CUBN: variants seen among roughly 807,000 people sequenced by gnomAD.
CUBN encodes 460 kDa receptor.
A neutral mutation model predicts 405.3 loss-of-function variants in CUBN; 282 were observed. That is an observed-to-expected ratio of 0.70 (90% CI 0.63 to 0.77). The LOEUF (loss-of-function observed/expected upper bound fraction) is 0.77, where lower values mean the gene tolerates loss of function less well. Ranked by LOEUF, CUBN falls within the 30% of genes least tolerant of loss-of-function variation. The pLI is 0.00. For synonymous variants in CUBN, 1,684 were observed against 1,617.0 expected (o/e 1.04, Z -0.99); for missense variants, 4,514 against 4,475.2 (o/e 1.01, Z -0.25).
chr10:17,093,164 A>G (rs1396423529), intron 14 of CUBN, among the ~76,000 whole-genome samples: 2 of 152,164 alleles, frequency 1.3e-5, no homozygotes, highest in African/African-American at 2.4e-5. Flanking sequence ...TTGGAGCTGC[A>G]TACTATAAGG....
chr10:17,038,093 C>A (rs185221195), intron 27 of CUBN, among the ~76,000 whole-genome samples: 2 of 152,112 alleles, frequency 1.3e-5, no homozygotes, highest in Admixed American at 6.5e-5. Context: ...CCTGAGCCAC[C>A]GTGCCCAGCC....
chr10:16,971,193 C>A (rs1687694), intron 31 of CUBN, among the ~76,000 whole-genome samples: 47,115 of 152,092 alleles, frequency 0.31, 8,004 homozygotes, highest in Middle Eastern at 0.42. Context: ...AGCAACAGGA[C>A]CAGGACATTA....
chr10:16,899,033 G>A lies in CUBN; in HGVS notation c.8561C>T (p.Pro2854Leu). 1.2e-6 allele frequency: 2 copies of A among 1,613,516 alleles called. No homozygotes were observed. The highest frequency in any genetic ancestry group is 8.5e-7 in the Non-Finnish European group (1 of 1,179,476). ...EISFDNNFLI[P>L]SGDGQCQNSF... ...ATTCTGACATTGTCCATCACCGCTG[G>A]GGATTAGGAAGTTGTTGTCAAAGCT... is the stretch of plus-strand genomic sequence containing the variant. Residue 2854 changes from proline to leucine, a missense_variant, in exon 54 of 67, where the codon CCC becomes CTC. By Grantham distance (98) the Pro-to-Leu change is moderately conservative (BLOSUM62 -3). Around this residue, in one of 5 missense-constraint regions of CUBN, gnomAD observed 1,186 missense variants for 1,186.9 expected, o/e 1.00. Coordinates refer to ENST00000377833, the MANE Select transcript of CUBN (RefSeq NM_001081.4).
At chr10:16,914,512 T>C (rs1338901369) in intron 47 of CUBN, among the ~76,000 whole-genome samples, 4 of 151,912 alleles carry the variant, frequency 2.6e-5, no homozygotes, top group Non-Finnish European at 4.4e-5. Flanking sequence ...TGAGCTGATA[T>C]CATGCCACTG....
chr10:16,963,553 A>C (rs1843300620), intron 31 of CUBN, among the ~76,000 whole-genome samples: 1 of 152,188 alleles, frequency 6.6e-6, no homozygotes, highest in Non-Finnish European at 1.5e-5. Context: ...CCACTTCTGC[A>C]GGTTTACACT....
chr10:17,032,612 C>A (rs1834809637), intron 27 of CUBN, among the ~76,000 whole-genome samples: 1 of 152,114 alleles, frequency 6.6e-6, no homozygotes, highest in African/African-American at 2.4e-5. Flanking sequence ...CCATTAATGA[C>A]AAATATTACT....
chr10:16,959,779 C>T (rs928468594), intron 31 of CUBN, among the ~76,000 whole-genome samples: 1 of 152,146 alleles, frequency 6.6e-6, no homozygotes, highest in Admixed American at 6.5e-5. Context: ...ATGAATTTCA[C>T]CTTAACTTCC....
chr10:17,063,253 G>C (rs1012938665), intron 22 of CUBN, among the ~76,000 whole-genome samples: 30 of 152,302 alleles, frequency 2.0e-4, no homozygotes, highest in African/African-American at 7.2e-4. Flanking sequence ...TCATCTGATT[G>C]CTATTTAGAA....
chr10:16,865,746 A>G (rs1315931172), intron 59 of CUBN, among the ~76,000 whole-genome samples: 1 of 152,126 alleles, frequency 6.6e-6, no homozygotes, highest in South Asian at 2.1e-4. Flanking sequence ...GGGGGCAATA[A>G]GGGAATAAAA....
chr10:16,927,164 A>G (rs1420184227), intron 41 of CUBN, among the ~76,000 whole-genome samples: 1 of 152,048 alleles, frequency 6.6e-6, no homozygotes, highest in Non-Finnish European at 1.5e-5. Context: ...TACTATATAC[A>G]TACATGTGTA....
At chr10:17,018,445 T>G (rs1834401587) in intron 28 of CUBN, among the ~76,000 whole-genome samples, 1 of 152,070 alleles carries the variant, frequency 6.6e-6, no homozygotes, top group Non-Finnish European at 1.5e-5. Context: ...GCGTCCACAG[T>G]TTTTTCCTTC....
intron 48 of CUBN, among the ~76,000 whole-genome samples, chr10:16,908,687 T>C (rs1841628595): frequency 2.6e-5 from 4 of 152,194 alleles, no homozygotes; most frequent in Admixed American, 2.6e-4. Flanking sequence ...TGAATTTGCA[T>C]GACTGGTTTT....
chr10:16,962,582 T>C (rs1268233987), intron 31 of CUBN, among the ~76,000 whole-genome samples: 1 of 152,110 alleles, frequency 6.6e-6, no homozygotes, highest in Non-Finnish European at 1.5e-5. Context: ...CAGAATACAA[T>C]GGAAGTGATA....
intron 31 of CUBN, among the ~76,000 whole-genome samples, chr10:16,962,684 T>G (rs548009904): frequency 6.6e-6 from 1 of 152,254 alleles, no homozygotes; most frequent in South Asian, 2.1e-4. Flanking sequence ...GTCCTCTCTA[T>G]TGCTTGCCCT....
intron 59 of CUBN, among the ~76,000 whole-genome samples, chr10:16,865,688 G>A (rs1393698889): frequency 6.6e-6 from 1 of 152,048 alleles, no homozygotes; most frequent in Admixed American, 6.6e-5. Context: ...CAATCACAGG[G>A]AGGATTGAAA....
At chr10:16,927,339 T>C (rs528218788) in intron 41 of CUBN, among the ~76,000 whole-genome samples, 7 of 152,104 alleles carry the variant, frequency 4.6e-5, no homozygotes, top group African/African-American at 7.2e-5. Flanking sequence ...GCTAGTTAAA[T>C]TGTAGAGGTG....
intron 2 of CUBN, 97 bp from the exon 3 acceptor site, chr10:17,128,021 T>C: frequency 1.3e-5 from 11 of 823,824 alleles, no homozygotes; most frequent in Non-Finnish European, 2.2e-5. Context: ...AGTATTCTAC[T>C]TTAAGCACTA....
At chr10:16,869,906 T>C in intron 58 of CUBN, 53 bp from the exon 59 acceptor site, 1 of 1,349,562 alleles carries the variant, frequency 7.4e-7, no homozygotes, top group Non-Finnish European at 1.1e-6. Context: ...TTCTATTAAA[T>C]TGTAGCTTTA....
rs76265923 is a variant in CUBN, at chr10:16,888,220, G to A, written c.8905+197C>T. Among the ~76,000 whole-genome samples the A allele has an allele frequency of 6.3e-3, 954 of 152,228 alleles. 5 individuals carry two copies. Among genetic ancestry groups the A allele is most frequent in the Non-Finnish European group, 0.011 (742 of 68,016 alleles). On this transcript the variant is annotated intron_variant, in intron 56 of 66. Coordinates refer to ENST00000377833, the MANE Select transcript of CUBN (RefSeq NM_001081.4). Reference sequence around the variant, plus strand: ...TACCTGAAATACTTGATTACTTGCCGAATACTTAAAAATTGCTAAGAGAGG... The same window carrying A: ...TACCTGAAATACTTGATTACTTGCCAAATACTTAAAAATTGCTAAGAGAGG...
Sources: gnomAD v4.1 joint callset for allele counts (sites outside exome capture counted in the v4.1 genomes callset) on GRCh38, gnomAD v4.1.1 for gene constraint, gnomAD v4.1.1 regional missense constraint, MANE v1.5 for transcripts, NCBI Gene and HGNC (gene_info 2026-07-23, HGNC 2026-07-21) for gene names.